Variants in ETFA observed in about 807,000 individuals in gnomAD.
ETFA encodes electron transfer flavoprotein subunit alpha, mitochondrial.
A neutral mutation model predicts 46.2 loss-of-function variants in ETFA; 22 were observed. That is an observed-to-expected ratio of 0.48 (90% CI 0.34 to 0.68). ETFA has a LOEUF of 0.68. Ranked by LOEUF, ETFA falls within the 30% of genes least tolerant of loss-of-function variation. ETFA has a pLI of 0.01. For synonymous variants in ETFA, 131 were observed against 139.9 expected, an observed-to-expected ratio of 0.94 and a Z score of 0.45; for missense variants, 345 against 401.1, an observed-to-expected ratio of 0.86 and a Z score of 1.19.
intron 9 of ETFA, among the ~76,000 whole-genome samples, chr15:76,267,759 G>A (rs961234351): frequency 2.0e-5 from 3 of 152,174 alleles, no homozygotes; most frequent in African/African-American, 2.4e-5. Flanking sequence ...ATCAACCCAC[G>A]ACTGCAGCTG....
chr15:76,294,373 G>A (rs1408333038), intron 2 of ETFA, among the ~76,000 whole-genome samples: 1 of 152,118 alleles, frequency 6.6e-6, no homozygotes, highest in Admixed American at 6.5e-5. Flanking sequence ...ATCACACATT[G>A]TGGCTGTATC....
At chr15:76,262,977 GC>G (rs1208563484) in intron 9 of ETFA, among the ~76,000 whole-genome samples, 1 of 152,112 alleles carries the variant, frequency 6.6e-6, no homozygotes, top group Non-Finnish European at 1.5e-5. Flanking sequence ...TGTCAGGACG[GC>G]CCCGGTAGGC....
chr15:76,279,865 G>A (rs1237391414), intron 8 of ETFA, among the ~76,000 whole-genome samples: 1 of 151,202 alleles, frequency 6.6e-6, no homozygotes, highest in South Asian at 2.1e-4. Context: ...AATCATACAG[G>A]GTTTATGGCT....
At chr15:76,280,918 T>TA (rs11464948) in intron 8 of ETFA, among the ~76,000 whole-genome samples, 1 of 1,364 alleles carries the variant, frequency 7.3e-4, no homozygotes, top group Admixed American at 0.02. Context: ...TTCAGATGTC[T>TA]TTTTTTTTTT....
rs2038896723 is a variant in ETFA at position 76,216,455 on chromosome 15, T to A, written c.*104A>T. ...AGAAATTTTCCCTCAAATTATGAAA[T>A]GTAGCTCTCCATGCTTTCCAATGAT... On this transcript the variant is annotated 3_prime_UTR_variant, in exon 12 of 12. Transcript: ENST00000557943. The A allele has an allele frequency of 1.4e-6, 1 of 727,130 alleles. No homozygotes were observed. The highest frequency in any genetic ancestry group is 2.5e-5 in the East Asian group (1 of 39,566). The allele number at this position is 727,130 out of a possible 1,614,324, so 45.0% of individuals were successfully genotyped here.
At chr15:76,251,537 G>C (rs2039297658) in intron 9 of ETFA, among the ~76,000 whole-genome samples, 1 of 152,148 alleles carries the variant, frequency 6.6e-6, no homozygotes, top group Non-Finnish European at 1.5e-5. Context: ...GAGATCTGGG[G>C]CTATGCAATT....
At chr15:76,293,681 CATT>C (rs1413909000) in intron 2 of ETFA, among the ~76,000 whole-genome samples, 1 of 152,206 alleles carries the variant, frequency 6.6e-6, no homozygotes, top group African/African-American at 2.4e-5. Context: ...CAAACTGATT[CATT>C]GATTCACTGA....
intron 8 of ETFA, among the ~76,000 whole-genome samples, chr15:76,277,976 T>C (rs1166808396): frequency 2.0e-5 from 3 of 152,232 alleles, no homozygotes; most frequent in Non-Finnish European, 4.4e-5. Flanking sequence ...CAGTTTGCCA[T>C]GCAACCTCAC....
intron 1 of ETFA, among the ~76,000 whole-genome samples, chr15:76,304,476 A>G (rs2039916819): frequency 6.6e-6 from 1 of 152,138 alleles, no homozygotes; most frequent in Admixed American, 6.6e-5. Context: ...TGGACAATAC[A>G]GTAAGACCCT....
chr15:76,236,368 T>A (rs2039122395), intron 9 of ETFA, among the ~76,000 whole-genome samples: 1 of 152,230 alleles, frequency 6.6e-6, no homozygotes, highest in African/African-American at 2.4e-5. Context: ...AATAATGTAA[T>A]CTCAGGTCAG....
chr15:76,306,700 A>G (rs2956875), intron 1 of ETFA, among the ~76,000 whole-genome samples: 20,473 of 152,216 alleles, frequency 0.13, 1,637 homozygotes, highest in African/African-American at 0.22. Context: ...TTTAAAATGT[A>G]TATTTCTGTA....
chr15:76,217,863 G>A (rs1387408687), intron 11 of ETFA, among the ~76,000 whole-genome samples: 4 of 152,236 alleles, frequency 2.6e-5, no homozygotes, highest in African/African-American at 9.6e-5. Flanking sequence ...TGGAAATAAT[G>A]TGTTCGTACA....
intron 9 of ETFA, among the ~76,000 whole-genome samples, chr15:76,240,833 G>A (rs1363750882): frequency 6.6e-6 from 1 of 151,760 alleles, no homozygotes; most frequent in African/African-American, 2.4e-5. Flanking sequence ...GATTTCTTGA[G>A]TCCAGAAATT....
chr15:76,220,349 A>C (rs1439297792), intron 11 of ETFA, among the ~76,000 whole-genome samples: 1 of 152,258 alleles, frequency 6.6e-6, no homozygotes, highest in African/African-American at 2.4e-5. Flanking sequence ...TACAGGTGTG[A>C]GTCACCATGC....
Position 76,287,758 on chromosome 15 carries a change from GTTTGA to G in ETFA, c.451+83_451+87del, listed in dbSNP as rs910211248. ...ATGGTCCACTTAAAGCAATTGTATG[GTTTGA>G]TTTAAAATTCTATCTTCAAGATTAA... On this transcript the variant is annotated intron_variant, in intron 5 of 11. Transcript: ENST00000557943. The G allele has an allele frequency of 1.6e-5, 16 of 1,009,982 alleles. No homozygotes were observed. The African/African-American group carries it at 2.4e-4, about 15-fold the overall frequency. The allele number at this position is 1,009,982 out of a possible 1,614,324, so 62.6% of individuals were successfully genotyped here. A position where few individuals can be genotyped will look rare whatever the true frequency, so the allele number is the denominator to read the frequency against.
chr15:76,268,938 C>A (rs1165299851), intron 9 of ETFA, among the ~76,000 whole-genome samples: 1 of 152,182 alleles, frequency 6.6e-6, no homozygotes, highest in African/African-American at 2.4e-5. Context: ...AAATCTCACC[C>A]TTGATATTGT....
At chr15:76,298,225 T>C (rs1046633274) in intron 1 of ETFA, among the ~76,000 whole-genome samples, 8 of 152,092 alleles carry the variant, frequency 5.3e-5, no homozygotes, top group African/African-American at 1.9e-4. Flanking sequence ...GTATTTTTAG[T>C]AGAGAGTGGG....
chr15:76,307,725 C>T (rs1001038114), intron 1 of ETFA, among the ~76,000 whole-genome samples: 1 of 151,922 alleles, frequency 6.6e-6, no homozygotes, highest in African/African-American at 2.4e-5. Context: ...CTCAGGTGAT[C>T]CATCTGCCTC....
chr15:76,217,949 T>C (rs1302645481), intron 11 of ETFA, among the ~76,000 whole-genome samples: 1 of 152,222 alleles, frequency 6.6e-6, no homozygotes, highest in African/African-American at 2.4e-5. Flanking sequence ...AGGCCCATGT[T>C]TACCATGGAG....
Sources: allele counts gnomAD v4.1 joint callset (sites outside exome capture counted in the v4.1 genomes callset), GRCh38; gene constraint gnomAD v4.1.1; transcripts MANE v1.5; gene names NCBI Gene and HGNC (gene_info 2026-07-23, HGNC 2026-07-21).